Variants in CORIN observed in about 807,000 individuals in gnomAD.
CORIN encodes atrial natriuretic peptide-converting enzyme.
Under a neutral mutation model 125.3 loss-of-function variants are expected in CORIN, and 117 were observed. The observed-to-expected ratio is 0.93, with a 90% CI of 0.80 to 1.09. CORIN has a LOEUF of 1.09. Among genes scored for constraint, CORIN ranks in the 50% least tolerant of loss-of-function variants. The pLI is 0.00. For synonymous variants in CORIN, 450 were observed against 466.4 expected, an observed-to-expected ratio of 0.96 and a Z score of 0.45; for missense variants, 1,253 against 1,306.7, an observed-to-expected ratio of 0.96 and a Z score of 0.63.
At chr4:47,702,082 C>T (rs897062938) in intron 5 of CORIN, among the ~76,000 whole-genome samples, 3 of 152,022 alleles carry the variant, frequency 2.0e-5, no homozygotes, top group Non-Finnish European at 4.4e-5. Flanking sequence ...GTGCTACCTT[C>T]CGAATTTGTT....
At chr4:47,745,538 A>C (rs760263665) in intron 4 of CORIN, among the ~76,000 whole-genome samples, 16 of 152,252 alleles carry the variant, frequency 1.1e-4, no homozygotes, top group Non-Finnish European at 1.5e-5. Flanking sequence ...AAATCCTTCA[A>C]ATGAGATAGT....
chr4:47,627,925 T>C (rs1162294131), intron 16 of CORIN, among the ~76,000 whole-genome samples: 3 of 152,142 alleles, frequency 2.0e-5, no homozygotes, highest in African/African-American at 7.2e-5. Flanking sequence ...AGGAAAATCA[T>C]TGCAAGGAAC....
chr4:47,735,788 T>C (rs1728103019), intron 5 of CORIN, among the ~76,000 whole-genome samples: 1 of 151,702 alleles, frequency 6.6e-6, no homozygotes, highest in Non-Finnish European at 1.5e-5. Context: ...GAAGTGGTGG[T>C]GGGCACCTGT....
chr4:47,808,398 A>G (rs532098053), intron 1 of CORIN, among the ~76,000 whole-genome samples: 1 of 152,322 alleles, frequency 6.6e-6, no homozygotes, highest in Non-Finnish European at 1.5e-5. Flanking sequence ...GTGGATGCAA[A>G]GGCAATTTTG....
chr4:47,595,747 A>C lies in CORIN; in HGVS notation c.3103T>G (p.Tyr1035Asp). ...YFVEWIKRQI[Y>D]IQTFLLN ...TAGTTTAGGAGAAAGGTCTGGATGT[A>C]AATCTGTCTTTTAATCCATTCGACG... Residue 1035 changes from tyrosine to aspartate, a missense_variant, in exon 22 of 22, where the codon TAC (tyrosine) becomes GAC (aspartate). By Grantham distance (160) the Tyr-to-Asp change is radical. Coordinates refer to ENST00000273857, the MANE Select transcript of CORIN (RefSeq NM_006587.4). The C allele has an allele frequency of 6.2e-7, 1 of 1,609,632 alleles. No homozygotes were observed. The highest frequency in any genetic ancestry group is 8.5e-7 in the Non-Finnish European group (1 of 1,178,708).
At chr4:47,712,219 T>C (rs574356601) in intron 5 of CORIN, among the ~76,000 whole-genome samples, 1 of 152,202 alleles carries the variant, frequency 6.6e-6, no homozygotes, top group African/African-American at 2.4e-5. Flanking sequence ...TAACATAATA[T>C]AGTCATAATA....
intron 5 of CORIN, among the ~76,000 whole-genome samples, chr4:47,739,834 T>C (rs1018195665): frequency 6.6e-6 from 1 of 151,874 alleles, no homozygotes. Context: ...AAGCAAAGTG[T>C]AGATATTGTT....
intron 2 of CORIN, among the ~76,000 whole-genome samples, chr4:47,799,248 T>C (rs1202060194): frequency 2.0e-5 from 3 of 152,018 alleles, no homozygotes; most frequent in Non-Finnish European, 4.4e-5. Flanking sequence ...TATATGAGTG[T>C]GTGTGTCTTT....
intron 5 of CORIN, chr4:47,706,931 T>A (rs1231063860): frequency 1.3e-6 from 2 of 1,599,654 alleles, no homozygotes; most frequent in Admixed American, 3.3e-5. Flanking sequence ...TATTTGTGGT[T>A]CTCGCCGGGC....
chr4:47,614,209 T>G (rs1287857499), intron 19 of CORIN, among the ~76,000 whole-genome samples: 2 of 152,180 alleles, frequency 1.3e-5, no homozygotes, highest in Non-Finnish European at 2.9e-5. Context: ...GTTGTTGTTT[T>G]GAGACAGAGT....
At chr4:47,691,528 T>C (rs1725769794) in intron 6 of CORIN, among the ~76,000 whole-genome samples, 1 of 152,124 alleles carries the variant, frequency 6.6e-6, no homozygotes, top group Admixed American at 6.6e-5. Context: ...ATAATTGAAG[T>C]TCCACGGGAT....
chr4:47,758,324 A>G (rs1476163092), intron 4 of CORIN, among the ~76,000 whole-genome samples: 1 of 152,188 alleles, frequency 6.6e-6, no homozygotes, highest in Non-Finnish European at 1.5e-5. Context: ...CATTGAAAAA[A>G]ATTGAAGAAG....
At chr4:47,654,437 G>C (rs1338479330) in intron 12 of CORIN, among the ~76,000 whole-genome samples, 1 of 152,192 alleles carries the variant, frequency 6.6e-6, no homozygotes, top group African/African-American at 2.4e-5. Context: ...GGGTAGGAAA[G>C]ACAGTCTTGA....
At chr4:47,609,753 C>T (rs186131829) in intron 19 of CORIN, among the ~76,000 whole-genome samples, 6 of 152,312 alleles carry the variant, frequency 3.9e-5, no homozygotes, top group Admixed American at 3.3e-4. Flanking sequence ...TGCTCTTCCT[C>T]ACCCACCCCT....
chr4:47,713,092 G>A (rs1172482688), intron 5 of CORIN, among the ~76,000 whole-genome samples: 1 of 152,094 alleles, frequency 6.6e-6, no homozygotes, highest in Admixed American at 6.5e-5. Flanking sequence ...TAGAAGAATA[G>A]AAAGAAAACA....
At chr4:47,657,434 C>T (rs1278877028) in intron 12 of CORIN, among the ~76,000 whole-genome samples, 3 of 149,956 alleles carry the variant, frequency 2.0e-5, no homozygotes, top group African/African-American at 7.4e-5. Context: ...ACTCGGGAGG[C>T]TGAGGCAGGA....
chr4:47,772,026 C>A (rs1730053817), intron 3 of CORIN, among the ~76,000 whole-genome samples: 1 of 151,956 alleles, frequency 6.6e-6, no homozygotes, highest in Admixed American at 6.6e-5. Context: ...TTTTAATGCA[C>A]CCCGATTCTC....
intron 19 of CORIN, among the ~76,000 whole-genome samples, chr4:47,604,530 A>G (rs1029317384): frequency 6.6e-6 from 1 of 152,204 alleles, no homozygotes; most frequent in African/African-American, 2.4e-5. Context: ...AGGGCTTACC[A>G]TGTATGCCAC....
intron 3 of CORIN, 97 bp downstream of exon 3, chr4:47,786,628 C>G: frequency 1.1e-6 from 1 of 870,642 alleles, no homozygotes; most frequent in Non-Finnish European, 1.8e-6. Flanking sequence ...CCTGTGTGAC[C>G]GGCAAGTGAT....
Sources: allele counts gnomAD v4.1 joint callset (sites outside exome capture counted in the v4.1 genomes callset), GRCh38; gene constraint gnomAD v4.1.1; transcripts MANE v1.5; gene names NCBI Gene and HGNC (gene_info 2026-07-23, HGNC 2026-07-21).